Variants in SMARCC1 observed in about 807,000 individuals in gnomAD.
SMARCC1 encodes SWI/SNF complex subunit SMARCC1.
A neutral mutation model predicts 147.4 loss-of-function variants in SMARCC1; 43 were observed. That is an observed-to-expected ratio of 0.29 (90% CI 0.23 to 0.38). SMARCC1 has a LOEUF of 0.38. SMARCC1 is among the 10% of genes least tolerant of loss of function. SMARCC1 has a pLI of 1.00. For synonymous variants in SMARCC1, 495 were observed against 484.4 expected, an observed-to-expected ratio of 1.02 and a Z score of -0.29; for missense variants, 1,119 against 1,381.1, an observed-to-expected ratio of 0.81 and a Z score of 3.01.
chr3:47,716,152 A>C (rs1156775790), intron 7 of SMARCC1, among the ~76,000 whole-genome samples: 1 of 151,708 alleles, frequency 6.6e-6, no homozygotes, highest in Non-Finnish European at 1.5e-5. Flanking sequence ...ACAGTGACTC[A>C]CGCCTGTAAT....
chr3:47,727,640 A>C (rs184234152), intron 6 of SMARCC1, among the ~76,000 whole-genome samples: 199 of 150,678 alleles, frequency 1.3e-3, no homozygotes, highest in Non-Finnish European at 2.3e-3. Flanking sequence ...GGTAAGACAG[A>C]GTTTTGCTCT....
chr3:47,767,713 C>T (rs1233065439), intron 2 of SMARCC1, among the ~76,000 whole-genome samples: 1 of 150,376 alleles, frequency 6.6e-6, no homozygotes, highest in Non-Finnish European at 1.5e-5. Flanking sequence ...ACTAAAAATA[C>T]AAAAATTAGC....
chr3:47,745,943 A>C lies in SMARCC1; in HGVS notation c.366T>G (p.Leu122=), dbSNP rs1165730197. ...FKAGGALCHI[L]GAAYKYKNEQ... ...CATTTTTATACTTGTAAGCAGCCCC[A>C]AGAATGTGACATAAGGCGCCTCCAG... Residue 122 remains leucine, a synonymous_variant, in exon 3 of 28, where the codon CTT becomes CTG. Transcript: ENST00000254480. 6.3e-7 allele frequency: 1 copy of C among 1,590,634 alleles called. No homozygotes were observed. The highest frequency in any genetic ancestry group is 1.2e-5 in the South Asian group (1 of 85,182).
rs548370064 is a variant in SMARCC1, at chr3:47,663,751, C to T, written c.1900-1159G>A. On this transcript the variant is annotated intron_variant, in intron 19 of 27. Transcript: ENST00000254480. Reference sequence around the variant, plus strand: ...AGTTCCTTCACAAGACCCACGAGAACCCGGTGGTACCCATAGGTTGCCTGG... The same window carrying T: ...AGTTCCTTCACAAGACCCACGAGAATCCGGTGGTACCCATAGGTTGCCTGG... 66 of 1,519,096 alleles carry T rather than the reference C, an allele frequency of 4.3e-5. 1 individual carries two copies. In the South Asian group the frequency reaches 7.3e-4, roughly 17 times the overall value. 94.1% of individuals were successfully genotyped at this position (1,519,096 alleles called of 1,614,324 possible). A position where few individuals can be genotyped will look rare whatever the true frequency, so the allele number is the denominator to read the frequency against.
At chr3:47,615,774 C>T (rs2032633019) in intron 25 of SMARCC1, among the ~76,000 whole-genome samples, 1 of 152,196 alleles carries the variant, frequency 6.6e-6, no homozygotes, top group Non-Finnish European at 1.5e-5. Context: ...ACCTCTGCCT[C>T]CTGGGTTCAA....
intron 25 of SMARCC1, chr3:47,610,567 G>A: frequency 1.8e-6 from 1 of 541,944 alleles, no homozygotes; most frequent in East Asian, 3.3e-5. Context: ...GTCTTTCCTT[G>A]CAATCTTCCC....
At chr3:47,607,043 T>G (rs924225833) in intron 26 of SMARCC1, among the ~76,000 whole-genome samples, 7 of 152,200 alleles carry the variant, frequency 4.6e-5, no homozygotes, top group South Asian at 2.1e-4. Flanking sequence ...ATAACTATTG[T>G]TCTTGAAAAA....
rs1205414894 is a variant in SMARCC1, at chr3:47,781,766, C to A, written c.32G>T (p.Gly11Val). The A allele has an allele frequency of 1.4e-6, 2 of 1,478,700 alleles. No individual in the cohort carries two copies. The highest frequency in any genetic ancestry group is 1.8e-6 in the Non-Finnish European group (2 of 1,118,414). The allele number at this position is 1,478,700 out of a possible 1,614,324, so 91.6% of individuals were successfully genotyped here. The change falls in exon 1 of 28, where the codon GGG becomes GTG. Residue 11 changes from glycine to valine, a missense_variant. Gly to Val is a moderately radical substitution (Grantham distance 109, BLOSUM62 -3). Around this residue, in one of 6 missense-constraint regions of SMARCC1, gnomAD observed 542 missense variants for 611.8 expected, o/e 0.89. Coordinates refer to ENST00000254480, the MANE Select transcript of SMARCC1 (RefSeq NM_003074.4). MAAAAGGGGP[G>V]TAVGATGSGI... ...CGAGCCCGTGGCGCCTACCGCTGTC[C>A]CCGGCCCGCCGCCGCCCGCCGCTGC...
At chr3:47,629,256 A>G (rs1048887573) in intron 24 of SMARCC1, among the ~76,000 whole-genome samples, 3 of 152,192 alleles carry the variant, frequency 2.0e-5, no homozygotes, top group Non-Finnish European at 2.9e-5. Context: ...AAGAAGTTGT[A>G]AATAGGAACC....
At chr3:47,649,334 C>G (rs1221957297) in intron 21 of SMARCC1, among the ~76,000 whole-genome samples, 2 of 152,168 alleles carry the variant, frequency 1.3e-5, no homozygotes, top group Non-Finnish European at 2.9e-5. Flanking sequence ...GCATCTGAGG[C>G]GAGAATTCTA....
intron 26 of SMARCC1, among the ~76,000 whole-genome samples, chr3:47,608,611 C>T (rs1178104597): frequency 2.0e-5 from 3 of 151,606 alleles, no homozygotes; most frequent in Non-Finnish European, 2.9e-5. Context: ...TTTGGAAGGT[C>T]GAGGCGGAAG....
chr3:47,661,520 C>T, intron 20 of SMARCC1, 65 bp from the exon 21 acceptor site: 1 of 1,342,288 alleles, frequency 7.4e-7, no homozygotes, highest in Non-Finnish European at 1.0e-6. Context: ...CAGTGTAAAA[C>T]CACCACCAGG....
chr3:47,605,601 G>A lies in SMARCC1; in HGVS notation c.3043+4465C>T, dbSNP rs1245173257. On this transcript the variant is annotated intron_variant, in intron 26 of 27. Coordinates refer to ENST00000254480, the MANE Select transcript of SMARCC1 (RefSeq NM_003074.4). ...AGCCTGGGCAATATAGTGAGCCCATGTCTCTACAAAAAAATTTAAAAGGCA... is the reference window on the plus strand; with the variant it reads ...AGCCTGGGCAATATAGTGAGCCCATATCTCTACAAAAAAATTTAAAAGGCA... Among the ~76,000 whole-genome samples the A allele has an allele frequency of 2.0e-5, 3 of 152,136 alleles. No homozygotes were observed. In the East Asian group the frequency reaches 5.8e-4, roughly 29 times the overall value.
At position 47,662,484 on chromosome 3, in the gene SMARCC1, A is replaced by G; in HGVS notation, c.2008T>C (p.Tyr670His). The change falls in exon 20 of 28, where the codon TAC (tyrosine) becomes CAC (histidine). Residue 670 changes from tyrosine to histidine, a missense_variant. Physicochemically the swap from Tyr to His is moderately conservative, Grantham distance 83. This residue lies in a region of SMARCC1 where 178 missense variants were observed against 264.6 expected (regional missense o/e 0.67). Coordinates refer to ENST00000254480, the MANE Select transcript of SMARCC1 (RefSeq NM_003074.4). The part of the protein sequence containing the change: ...HFLRLPIEDP[Y>H]LENSDASLGP... ...AGGGAAGCATCTGAATTCTCAAGGTATGGGTCCTCAATGGGAAGTCTCAAA... is the reference window on the plus strand; with the variant it reads ...AGGGAAGCATCTGAATTCTCAAGGTGTGGGTCCTCAATGGGAAGTCTCAAA... 6.2e-7 allele frequency: 1 copy of G among 1,614,170 alleles called. No individual in the cohort carries two copies. The highest frequency in any genetic ancestry group is 8.5e-7 in the Non-Finnish European group (1 of 1,180,024).
chr3:47,698,298 A>T (rs978937918), intron 11 of SMARCC1, among the ~76,000 whole-genome samples: 2 of 152,110 alleles, frequency 1.3e-5, no homozygotes, highest in Non-Finnish European at 2.9e-5. Flanking sequence ...AAAATCCAGG[A>T]AGAAAGCTTC....
At chr3:47,739,846 C>T (rs2034487990) in intron 3 of SMARCC1, among the ~76,000 whole-genome samples, 2 of 152,140 alleles carry the variant, frequency 1.3e-5, no homozygotes, top group African/African-American at 2.4e-5. Context: ...GTCCCCAAGT[C>T]ACTTGCTCTA....
At chr3:47,761,696 A>C (rs944833093) in intron 2 of SMARCC1, among the ~76,000 whole-genome samples, 8 of 152,194 alleles carry the variant, frequency 5.3e-5, no homozygotes, top group African/African-American at 1.9e-4. Context: ...TCCATTCCAC[A>C]AAGTCCTAGA....
chr3:47,634,085 T>C (rs2032936678), intron 24 of SMARCC1, among the ~76,000 whole-genome samples: 1 of 152,188 alleles, frequency 6.6e-6, no homozygotes, highest in Non-Finnish European at 1.5e-5. Context: ...GGAGATAGAA[T>C]AACTAAAATT....
intron 18 of SMARCC1, among the ~76,000 whole-genome samples, chr3:47,671,227 C>T (rs2033498624): frequency 8.9e-6 from 1 of 112,320 alleles, no homozygotes; most frequent in South Asian, 3.3e-4. Context: ...CCAAAAAAGA[C>T]TTCCTGCTGT....
Sources: gnomAD v4.1 joint callset for allele counts (sites outside exome capture counted in the v4.1 genomes callset) on GRCh38, gnomAD v4.1.1 for gene constraint, gnomAD v4.1.1 regional missense constraint, MANE v1.5 for transcripts, NCBI Gene and HGNC (gene_info 2026-07-23, HGNC 2026-07-21) for gene names.